Variants in IL16 observed in about 807,000 individuals in gnomAD.
IL16 encodes the protein pro-interleukin-16.
In IL16, 67 loss-of-function variants were observed where a neutral mutation model predicts 110.1. The observed-to-expected ratio is 0.61, with a 90% CI of 0.50 to 0.75. The LOEUF is 0.75. IL16 is among the 30% of genes least tolerant of loss of function. IL16 has a pLI of 0.00. For missense variants in IL16, 1,545 were observed against 1,655.0 expected, an observed-to-expected ratio of 0.93 and a Z score of 1.15; for synonymous variants, 689 against 662.9, an observed-to-expected ratio of 1.04 and a Z score of -0.61.
At chr15:81,282,574 C>T (rs367984018) in intron 8 of IL16, 65 bp from the exon 9 acceptor site, 17 of 1,195,436 alleles carry the variant, frequency 1.4e-5, no homozygotes, top group Admixed American at 8.5e-5. Context: ...GGCACCCAAT[C>T]GACGAGTAGG....
intron 2 of IL16, among the ~76,000 whole-genome samples, chr15:81,236,688 G>A (rs557533826): frequency 2.9e-4 from 44 of 152,208 alleles, no homozygotes; most frequent in Non-Finnish European, 4.9e-4. Flanking sequence ...GGGCGCGGTG[G>A]CTCATGCCTG....
chr15:81,278,894 A>G lies in IL16; in HGVS notation c.864+4A>G. The G allele has an allele frequency of 3.7e-6, 6 of 1,605,214 alleles. No homozygotes were observed. The highest frequency in any genetic ancestry group is 5.1e-6 in the Non-Finnish European group (6 of 1,171,796). On this transcript the variant is annotated splice_donor_region_variant and intron_variant, in intron 7 of 18. Transcript: ENST00000683961. The stretch of plus-strand genomic sequence containing the variant: ...GGATGCTTTGCAGAAGTTCAAGGTG[A>G]CCATTTCTTATCAACACGTGACCAA...
Position 81,279,696 on chromosome 15 carries a change from G to A in IL16, c.1003G>A (p.Ala335Thr), listed in dbSNP as rs201714634. Residue 335 changes from alanine (A) to threonine (T), a missense_variant, in exon 8 of 19, where the codon GCC (alanine) becomes ACC (threonine). Coordinates refer to ENST00000683961, the MANE Select transcript of IL16 (RefSeq NM_172217.5). ...TATCACCAAGGACAGCAGCTCCTTC[G>A]CCTTGGAAAGCCCCTCGGCTCCCAT... is the stretch of plus-strand genomic sequence containing the variant. ...TCITKDSSSF[A>T]LESPSAPIST... The A allele has an allele frequency of 3.3e-5, 53 of 1,614,088 alleles. No individual in the cohort carries two copies. In the African/African-American group the frequency reaches 4.1e-4, roughly 13 times the overall value.
At chr15:81,250,084 T>C (rs1014352014) in intron 2 of IL16, among the ~76,000 whole-genome samples, 43 of 152,318 alleles carry the variant, frequency 2.8e-4, no homozygotes, top group African/African-American at 8.9e-4. Context: ...TAAATATGTA[T>C]TGTATTCTGT....
intron 2 of IL16, among the ~76,000 whole-genome samples, chr15:81,229,993 G>A (rs1290333692): frequency 6.6e-6 from 1 of 152,140 alleles, no homozygotes; most frequent in Non-Finnish European, 1.5e-5. Context: ...CTTATTGGAT[G>A]GGTTGTGTTT....
chr15:81,201,731 A>C (rs1895822083), intron 1 of IL16, among the ~76,000 whole-genome samples: 1 of 152,200 alleles, frequency 6.6e-6, no homozygotes, highest in Admixed American at 6.5e-5. Flanking sequence ...TAATTAGTAA[A>C]ATGTAGAGTA....
At chr15:81,259,990 T>C (rs927994705) in intron 3 of IL16, 110 bp downstream of exon 3, 3 of 697,694 alleles carry the variant, frequency 4.3e-6, no homozygotes, top group African/African-American at 1.8e-5. Flanking sequence ...TAAACTAGCA[T>C]TGGAGTCTGC....
In IL16 at chr15:81,254,507, T is replaced by C. The variant is rs146207906; in HGVS notation, c.313-5265T>C. On this transcript the variant is annotated intron_variant, in intron 2 of 18. Coordinates refer to ENST00000683961, the MANE Select transcript of IL16 (RefSeq NM_172217.5). ...AATATTTAAAGAGTTCTCTGGACAGTTGACCCCATTTCTCGCTCAGTTGCC... is the reference window on the plus strand; with the variant it reads ...AATATTTAAAGAGTTCTCTGGACAGCTGACCCCATTTCTCGCTCAGTTGCC... Among the ~76,000 whole-genome samples the C allele has an allele frequency of 2.4e-4, 36 of 152,320 alleles. No homozygotes were observed. The East Asian group carries it at 4.8e-3, about 20-fold the overall frequency.
At chr15:81,234,430 TA>T in intron 2 of IL16, among the ~76,000 whole-genome samples, 1 of 152,260 alleles carries the variant, frequency 6.6e-6, no homozygotes, top group African/African-American at 2.4e-5. Context: ...TTTACTTTTT[TA>T]ATCATTAAAA....
In IL16 at chr15:81,265,796, G is replaced by T. The variant is rs770320469; in HGVS notation, c.559G>T (p.Ala187Ser). 1.4e-5 allele frequency: 23 copies of T among 1,611,124 alleles called. No individual in the cohort carries two copies. The South Asian group carries it at 2.4e-4, about 17-fold the overall frequency. The change falls in exon 4 of 19, where the codon GCT becomes TCT. Residue 187 changes from alanine (A) to serine (S), a missense_variant. By Grantham distance (99) the Ala-to-Ser change is moderately conservative. This residue lies in a region of IL16 where 1,185 missense variants were observed against 1,238.8 expected (regional missense o/e 0.96). Coordinates refer to ENST00000683961, the MANE Select transcript of IL16 (RefSeq NM_172217.5). ...SQQLDCPAGK[A>S]AGTSRPTRSL... ...ACAATTGGACTGTCCAGCAGGAAAGGCTGCGGTAAGAATGGAAGGAGGGAA... is the reference window on the plus strand; with the variant it reads ...ACAATTGGACTGTCCAGCAGGAAAGTCTGCGGTAAGAATGGAAGGAGGGAA...
upstream of IL16, among the ~76,000 whole-genome samples, chr15:81,194,620 G>A (rs1895551714): frequency 6.6e-6 from 1 of 151,878 alleles, no homozygotes; most frequent in Non-Finnish European, 1.5e-5. Flanking sequence ...GAATTAGAAG[G>A]AAATACAGGT....
At chr15:81,196,585 C>A (rs1410462687), upstream of IL16, among the ~76,000 whole-genome samples, 1 of 152,206 alleles carries the variant, frequency 6.6e-6, no homozygotes, top group African/African-American at 2.4e-5. Context: ...GCGTGCCAGG[C>A]ACATTGCAGG....
At chr15:81,283,717 A>G (rs1899301814) in intron 9 of IL16, among the ~76,000 whole-genome samples, 1 of 152,244 alleles carries the variant, frequency 6.6e-6, no homozygotes, top group Admixed American at 6.5e-5. Flanking sequence ...TGACAAAAAT[A>G]TTAGTAAGTT....
intron 16 of IL16, 145 bp from the exon 17 acceptor site, chr15:81,305,763 C>A (rs193133606): frequency 1.1e-6 from 1 of 949,642 alleles, no homozygotes; most frequent in Non-Finnish European, 1.6e-6. Context: ...TCTGTGCCAG[C>A]AGCTCCAATC....
In IL16 at chr15:81,282,682, C is replaced by T. The variant is rs1264424265; in HGVS notation, c.1125C>T (p.Tyr375=). Residue 375 remains tyrosine, a synonymous_variant, in exon 9 of 19, where the codon TAC becomes TAT. Transcript: ENST00000683961. Reference sequence around the variant, plus strand: ...GCATCGGCCTGTGCAGCGTTCCCTACTTCCAATGCATCTCTGGCATTTTCG... The same window carrying T: ...GCATCGGCCTGTGCAGCGTTCCCTATTTCCAATGCATCTCTGGCATTTTCG... ...GLGIGLCSVP[Y]FQCISGIFVH... 3.7e-6 allele frequency: 6 copies of T among 1,613,982 alleles called. No individual in the cohort carries two copies. The East Asian group carries it at 1.3e-4, about 36-fold the overall frequency.
rs999534466 is a variant in IL16, at chr15:81,303,015, A to G, written c.3319-534A>G. On this transcript the variant is annotated intron_variant, in intron 15 of 18. Transcript: ENST00000683961. This position sits in a 1 kb window ranked among gnomAD's most constrained non-coding sequence, Gnocchi z 4.1. ...GTCTAGGCTAGGAAGTACCGTAGTAATGTGTGTGTGTGTGTGTGTGTGTGT... is the reference window on the plus strand; with the variant it reads ...GTCTAGGCTAGGAAGTACCGTAGTAGTGTGTGTGTGTGTGTGTGTGTGTGT... 2.7e-5 allele frequency among the ~76,000 whole-genome samples: 4 copies of G among 150,038 alleles called. No homozygotes were observed. Among genetic ancestry groups the G allele is most frequent in the African/African-American group, 7.4e-5 (3 of 40,564 alleles).
rs1295405537 is a variant in IL16, at chr15:81,273,080, T to C, written c.676-10T>C. On this transcript the variant is annotated splice_polypyrimidine_tract_variant and intron_variant, in intron 5 of 18. Transcript: ENST00000683961. The stretch of plus-strand genomic sequence containing the variant: ...TACCCCTAAATCAGACCTTCTCTTT[T>C]TTTCCCCAGGGTCTGGGCTTCAGCA... The C allele has an allele frequency of 6.2e-7, 1 of 1,608,678 alleles. No homozygotes were observed. The highest frequency in any genetic ancestry group is 1.3e-5 in the African/African-American group (1 of 74,766).
intron 8 of IL16, among the ~76,000 whole-genome samples, chr15:81,280,602 G>A (rs73501746): frequency 0.071 from 10,748 of 152,270 alleles, 920 homozygotes; most frequent in African/African-American, 0.21. Context: ...TTTGGGTCAG[G>A]GATTGGGAGT....
In IL16 at chr15:81,269,491, C is replaced by G. The variant is rs577883320; in HGVS notation, c.565-47C>G. 8 of 1,284,008 alleles carry G rather than the reference C, an allele frequency of 6.2e-6. No individual in the cohort carries two copies. The South Asian group carries it at 9.6e-5, about 15-fold the overall frequency. 79.5% of individuals were successfully genotyped at this position (1,284,008 alleles called of 1,614,324 possible). A position where few individuals can be genotyped will look rare whatever the true frequency, so the allele number is the denominator to read the frequency against. ...CCCCTTCCTTGTGAGGCATGTGCTG[C>G]TGTCCTATGTGGCTAATCTTCTGCC... On this transcript the variant is annotated intron_variant, in intron 4 of 18. Transcript: ENST00000683961.
Sources: gnomAD v4.1 joint callset for allele counts (sites outside exome capture counted in the v4.1 genomes callset) on GRCh38, gnomAD v4.1.1 for gene constraint, gnomAD v4.1.1 regional missense constraint, Gnocchi (gnomAD v3.1) non-coding constraint, MANE v1.5 for transcripts, NCBI Gene and HGNC (gene_info 2026-07-23, HGNC 2026-07-21) for gene names.